The following C2CD5 variants were observed in gnomAD, a reference collection of about 807,000 sequenced individuals.
C2CD5 encodes C2 domain-containing protein 5.
A neutral mutation model predicts 130.3 loss-of-function variants in C2CD5; 109 were observed. The observed-to-expected ratio is 0.84, with a 90% CI of 0.72 to 0.98. The LOEUF is 0.98. C2CD5 is among the 50% of genes least tolerant of loss of function. The pLI is 0.00. For synonymous variants in C2CD5, 454 were observed against 429.2 expected (o/e 1.06, Z -0.71); for missense variants, 996 against 1,261.8 (o/e 0.79, Z 3.19).
At position 22,525,592 on chromosome 12, in the gene C2CD5, T is replaced by G. The variant is rs762866992; in HGVS notation, c.445+18A>C. 9.1e-7 allele frequency: 1 copy of G among 1,093,080 alleles called. No homozygotes were observed. Among genetic ancestry groups the G allele is most frequent in the East Asian group, 2.4e-5 (1 of 42,412 alleles). The allele number at this position is 1,093,080 out of a possible 1,614,324, so 67.7% of individuals were successfully genotyped here. On this transcript the variant is annotated intron_variant, in intron 5 of 26. Coordinates refer to ENST00000446597, the MANE Select transcript of C2CD5 (RefSeq NM_001286176.2). Reference sequence around the variant, plus strand: ...AGTTATTACATTTCCTGTTGAGTAATAGAATGTATTTACTTACTGCAAAAG... The same window carrying G: ...AGTTATTACATTTCCTGTTGAGTAAGAGAATGTATTTACTTACTGCAAAAG...
At position 22,478,397 on chromosome 12, in the gene C2CD5, T is replaced by C; in HGVS notation, c.1818A>G (p.Ser606=). The change falls in exon 15 of 27, where the codon TCA becomes TCG. Residue 606 remains serine (S), a synonymous_variant. Coordinates refer to ENST00000446597, the MANE Select transcript of C2CD5 (RefSeq NM_001286176.2). Reference sequence around the variant, plus strand: ...GCATATGAGAGATGTGTTGTTCATATGAGCCATCATTAGGAGTCTTCCCAG... The same window carrying C: ...GCATATGAGAGATGTGTTGTTCATACGAGCCATCATTAGGAGTCTTCCCAG... ...QIAGKTPNDG[S]YEQHISHMQK... The C allele has an allele frequency of 6.2e-7, 1 of 1,613,230 alleles. No homozygotes were observed. The highest frequency in any genetic ancestry group is 8.5e-7 in the Non-Finnish European group (1 of 1,179,222).
intron 15 of C2CD5, among the ~76,000 whole-genome samples, chr12:22,476,221 G>C (rs1254902175): frequency 1.3e-5 from 2 of 152,040 alleles, no homozygotes; most frequent in Non-Finnish European, 2.9e-5. Context: ...ATTTATTTCA[G>C]TGAGGGCTAT....
intron 25 of C2CD5, among the ~76,000 whole-genome samples, chr12:22,456,577 G>A (rs765990232): frequency 1.3e-5 from 2 of 152,180 alleles, no homozygotes; most frequent in Non-Finnish European, 2.9e-5. Flanking sequence ...AGAAACAGCA[G>A]AGCTAAATTA....
At chr12:22,489,197 T>C (rs553130738) in intron 12 of C2CD5, among the ~76,000 whole-genome samples, 8 of 151,930 alleles carry the variant, frequency 5.3e-5, no homozygotes, top group African/African-American at 1.9e-4. Flanking sequence ...TCTTAATATA[T>C]ACTTAATATA....
At position 22,470,874 on chromosome 12, in the gene C2CD5, T is replaced by G. The variant is rs762575670; in HGVS notation, c.2396A>C (p.Asn799Thr). The change falls in exon 21 of 27, where the codon AAT becomes ACT. Residue 799 changes from asparagine (N) to threonine (T), a missense_variant. By Grantham distance (65) the Asn-to-Thr change is moderately conservative. Coordinates refer to ENST00000446597, the MANE Select transcript of C2CD5 (RefSeq NM_001286176.2). ...VTAVAITFDKNQALQTTKTPV... is the reference protein window; with the variant it reads ...VTAVAITFDKTQALQTTKTPV... ...GGTTTTTGTGGTTTGTAAAGCCTGATTTTTGTCAAAAGTGATTGCGACTGC... is the reference window on the plus strand; with the variant it reads ...GGTTTTTGTGGTTTGTAAAGCCTGAGTTTTGTCAAAAGTGATTGCGACTGC... The G allele has an allele frequency of 5.0e-6, 8 of 1,612,672 alleles. No individual in the cohort carries two copies. Among genetic ancestry groups the G allele is most frequent in the African/African-American group, 2.7e-5 (2 of 74,872 alleles).
At chr12:22,518,293 T>G (rs1200985518) in intron 7 of C2CD5, among the ~76,000 whole-genome samples, 156 bp from the exon 8 acceptor site, 3 of 152,184 alleles carry the variant, frequency 2.0e-5, no homozygotes, top group Non-Finnish European at 4.4e-5. Flanking sequence ...CCAATTGCTG[T>G]TTAACCATTC....
chr12:22,519,369 C>CA (rs1950059449), intron 7 of C2CD5: 1 of 626,638 alleles, frequency 1.6e-6, no homozygotes, highest in African/African-American at 1.9e-5. Context: ...CCCTAGCATG[C>CA]AAAAAACAAG....
chr12:22,541,176 A>T (rs1050331380), intron 2 of C2CD5, among the ~76,000 whole-genome samples: 7 of 152,112 alleles, frequency 4.6e-5, no homozygotes, highest in African/African-American at 1.4e-4. Context: ...GATCCTCCTC[A>T]ATCTTTACCA....
intron 2 of C2CD5, among the ~76,000 whole-genome samples, chr12:22,536,729 G>T (rs145484910): frequency 6.6e-6 from 1 of 152,280 alleles, no homozygotes; most frequent in East Asian, 1.9e-4. Context: ...CTGAAGAAGG[G>T]ACTGATAGGG....
intron 10 of C2CD5, among the ~76,000 whole-genome samples, chr12:22,494,575 G>C (rs1946776503): frequency 6.6e-6 from 1 of 151,974 alleles, no homozygotes; most frequent in South Asian, 2.1e-4. Context: ...GGAGATAAAA[G>C]CCAGAACTAC....
At chr12:22,515,673 G>A (rs879063376) in intron 8 of C2CD5, among the ~76,000 whole-genome samples, 2 of 152,016 alleles carry the variant, frequency 1.3e-5, no homozygotes, top group African/African-American at 4.8e-5. Flanking sequence ...ACAGTTGTCA[G>A]TATTAATTTT....
intron 17 of C2CD5, 146 bp downstream of exon 17, chr12:22,472,598 T>C (rs910904015): frequency 2.2e-4 from 152 of 689,372 alleles, no homozygotes; most frequent in Non-Finnish European, 3.7e-4. Flanking sequence ...AAGGTATGTT[T>C]TCTACCTTGG....
At chr12:22,531,521 G>A (rs1951273798) in intron 3 of C2CD5, among the ~76,000 whole-genome samples, 1 of 152,068 alleles carries the variant, frequency 6.6e-6, no homozygotes, top group Non-Finnish European at 1.5e-5. Flanking sequence ...TGCCTCAAAG[G>A]TAAAGTCCTA....
intron 22 of C2CD5, among the ~76,000 whole-genome samples, chr12:22,464,186 G>A (rs1941683460): frequency 6.6e-6 from 1 of 152,166 alleles, no homozygotes. Flanking sequence ...AGTTTATAAG[G>A]GAAAAATTCA....
rs571907141 is a variant in C2CD5, at chr12:22,512,488, A to C, written c.1038+806T>G. On this transcript the variant is annotated intron_variant, in intron 9 of 26. Transcript: ENST00000446597. ...ATTAGTTAGTAGAAAAAAGAACATG[A>C]GTCTCACAGTGCTATTAAATAAAAA... Among the ~76,000 whole-genome samples the C allele has an allele frequency of 1.5e-3, 229 of 151,598 alleles. 2 individuals are homozygous for C. The highest frequency in any genetic ancestry group is 5.5e-3 in the African/African-American group (225 of 41,054).
intron 21 of C2CD5, among the ~76,000 whole-genome samples, chr12:22,470,204 T>C (rs1942797492): frequency 1.3e-5 from 2 of 152,124 alleles, no homozygotes; most frequent in Admixed American, 1.3e-4. Context: ...ACTGCTCAAA[T>C]CTTATCAATG....
rs144528074 is a variant in C2CD5, at chr12:22,478,423, C to A, written c.1792G>T (p.Ala598Ser). The stretch of plus-strand genomic sequence containing the variant: ...GAGCCATCATTAGGAGTCTTCCCAG[C>A]AATCTGAATACCACCAGGAGTTGGT... ...ALPTPGGIQI[A>S]GKTPNDGSYE... The change falls in exon 15 of 27, where the codon GCT becomes TCT. Residue 598 changes from alanine to serine, a missense_variant. Physicochemically the swap from Ala to Ser is moderately conservative, Grantham distance 99 (BLOSUM62 1). Around this residue, in one of 9 missense-constraint regions of C2CD5, gnomAD observed 590 missense variants for 631.4 expected, o/e 0.93. Transcript: ENST00000446597. 3.7e-6 allele frequency: 6 copies of A among 1,613,590 alleles called. No homozygotes were observed. The highest frequency in any genetic ancestry group is 5.1e-6 in the Non-Finnish European group (6 of 1,179,624).
chr12:22,541,969 A>AT (rs1409297350), intron 2 of C2CD5, among the ~76,000 whole-genome samples: 2 of 152,206 alleles, frequency 1.3e-5, no homozygotes, highest in Non-Finnish European at 2.9e-5. Flanking sequence ...GAAGGAAGTA[A>AT]TAAGTAACCC....
chr12:22,530,576 G>A (rs1283707688), intron 3 of C2CD5, among the ~76,000 whole-genome samples: 1 of 151,614 alleles, frequency 6.6e-6, no homozygotes, highest in South Asian at 2.1e-4. Flanking sequence ...TTGGGCCTCG[G>A]CCTCCCACAT....
Sources: allele counts gnomAD v4.1 joint callset (sites outside exome capture counted in the v4.1 genomes callset), GRCh38; gene constraint gnomAD v4.1.1; regional missense constraint gnomAD v4.1.1; transcripts MANE v1.5; gene names NCBI Gene and HGNC (gene_info 2026-07-23, HGNC 2026-07-21).